The following ERBB4 variants were observed in gnomAD, a reference collection of about 807,000 sequenced individuals.
The protein encoded by ERBB4 is receptor tyrosine-protein kinase erbB-4.
In ERBB4, 42 loss-of-function variants were observed where a neutral mutation model predicts 158.0. That is an observed-to-expected ratio of 0.27 (90% CI 0.21 to 0.34). The LOEUF (loss-of-function observed/expected upper bound fraction) is 0.34, where lower values mean the gene tolerates loss of function less well. Ranked by LOEUF, ERBB4 falls within the 10% of genes least tolerant of loss-of-function variation. The pLI is 1.00. For synonymous variants in ERBB4, 583 were observed against 558.7 expected (o/e 1.04, Z -0.61); for missense variants, 1,333 against 1,624.1 (o/e 0.82, Z 3.08).
intron 20 of ERBB4, among the ~76,000 whole-genome samples, chr2:211,461,963 G>T (rs2064544657): frequency 6.6e-6 from 1 of 151,740 alleles, no homozygotes; most frequent in African/African-American, 2.4e-5. Flanking sequence ...AGCAACTCTG[G>T]TTTTGCCATT....
At chr2:211,497,755 C>T (rs2065507603) in intron 20 of ERBB4, among the ~76,000 whole-genome samples, 1 of 152,014 alleles carries the variant, frequency 6.6e-6, no homozygotes, top group Non-Finnish European at 1.5e-5. Flanking sequence ...TTATTTATTT[C>T]ATGGATGGTC....
At chr2:212,252,372 A>G (rs2084570791) in intron 1 of ERBB4, among the ~76,000 whole-genome samples, 1 of 152,118 alleles carries the variant, frequency 6.6e-6, no homozygotes, top group Admixed American at 6.6e-5. Context: ...AGCCATGTTA[A>G]GAAAGTGTTT....
At position 211,750,832 on chromosome 2, in the gene ERBB4, C is replaced by G. The variant is rs1448592467; in HGVS notation, c.557-128G>C. 4 of 827,474 alleles carry G rather than the reference C, an allele frequency of 4.8e-6. No individual in the cohort carries two copies. The African/African-American group carries it at 5.0e-5, about 10-fold the overall frequency. 51.3% of individuals were successfully genotyped at this position (827,474 alleles called of 1,614,324 possible). On this transcript the variant is annotated intron_variant, in intron 4 of 27. Coordinates refer to ENST00000342788, the MANE Select transcript of ERBB4 (RefSeq NM_005235.3). ...TTTTTATGTCATACTAGAGCTGAAA[C>G]ATAGCCCATAAAATGCCCACTTAAG...
chr2:212,168,360 A>G (rs145843112), intron 1 of ERBB4, among the ~76,000 whole-genome samples: 1 of 152,146 alleles, frequency 6.6e-6, no homozygotes, highest in Non-Finnish European at 1.5e-5. Flanking sequence ...ATTTGTTTTC[A>G]TTAGAATTAT....
At chr2:211,718,490 A>G (rs1016290072) in intron 7 of ERBB4, among the ~76,000 whole-genome samples, 4 of 152,160 alleles carry the variant, frequency 2.6e-5, no homozygotes, top group Non-Finnish European at 5.9e-5. Flanking sequence ...AGTTTTTATG[A>G]TTCCATATAT....
intron 20 of ERBB4, among the ~76,000 whole-genome samples, chr2:211,485,261 C>T (rs1396156434): frequency 1.3e-5 from 2 of 152,062 alleles, no homozygotes; most frequent in Non-Finnish European, 2.9e-5. Flanking sequence ...CTTCAGGATG[C>T]CAGATCAACA....
intron 3 of ERBB4, among the ~76,000 whole-genome samples, chr2:211,808,988 A>ACTTTG (rs1202587568): frequency 6.6e-6 from 1 of 152,178 alleles, no homozygotes; most frequent in African/African-American, 2.4e-5. Flanking sequence ...GTATCCTGAG[A>ACTTTG]CTTTGCTGAA....
chr2:212,330,919 G>T (rs552298013), intron 1 of ERBB4, among the ~76,000 whole-genome samples: 8 of 151,064 alleles, frequency 5.3e-5, no homozygotes, highest in Non-Finnish European at 1.2e-4. Context: ...GCTCAGTGAG[G>T]TTTATTAATT....
At chr2:211,469,964 A>G (rs1437712590) in intron 20 of ERBB4, among the ~76,000 whole-genome samples, 1 of 152,088 alleles carries the variant, frequency 6.6e-6, no homozygotes, top group Non-Finnish European at 1.5e-5. Flanking sequence ...GAGATACCTG[A>G]GGAATTGGGG....
chr2:211,735,983 T>C (rs942537407), intron 5 of ERBB4, among the ~76,000 whole-genome samples: 1 of 151,118 alleles, frequency 6.6e-6, no homozygotes, highest in Non-Finnish European at 1.5e-5. Flanking sequence ...TGAGACCTTG[T>C]CTCTACCAAA....
chr2:212,003,136 G>A (rs1227030200), intron 2 of ERBB4, among the ~76,000 whole-genome samples: 37 of 14,220 alleles, frequency 2.6e-3, no homozygotes, highest in Non-Finnish European at 3.7e-3. Flanking sequence ...AAGGAAGGAA[G>A]GAAGGAAGGA....
At chr2:212,222,259 G>A (rs1665927610) in intron 1 of ERBB4, among the ~76,000 whole-genome samples, 1 of 151,402 alleles carries the variant, frequency 6.6e-6, no homozygotes. Context: ...GAGGAGTACG[G>A]GTTAATGGTC....
At chr2:212,214,394 G>A (rs776460974) in intron 1 of ERBB4, among the ~76,000 whole-genome samples, 1 of 151,692 alleles carries the variant, frequency 6.6e-6, no homozygotes, top group South Asian at 2.1e-4. Flanking sequence ...GTATTGGATA[G>A]CACAGTTTTA....
chr2:211,752,750 C>T lies in ERBB4; in HGVS notation c.557-2046G>A, dbSNP rs576527715. Among the ~76,000 whole-genome samples, 15 of 152,168 alleles carry T rather than the reference C, an allele frequency of 9.9e-5. No individual in the cohort carries two copies. In the East Asian group the frequency reaches 1.2e-3, roughly 12 times the overall value. On this transcript the variant is annotated intron_variant, in intron 4 of 27. Coordinates refer to ENST00000342788, the MANE Select transcript of ERBB4 (RefSeq NM_005235.3). ...GGCATGTTGCTAGAAATACTGTTGACGGTTCTTGACAAGGTATCAGGGCAA... is the reference window on the plus strand; with the variant it reads ...GGCATGTTGCTAGAAATACTGTTGATGGTTCTTGACAAGGTATCAGGGCAA...
intron 1 of ERBB4, among the ~76,000 whole-genome samples, chr2:212,496,648 G>T (rs1391763718): frequency 6.6e-6 from 1 of 152,058 alleles, no homozygotes; most frequent in Admixed American, 6.6e-5. Context: ...TGAAGATACT[G>T]GTAAATAAGC....
chr2:212,289,087 G>T (rs2086110321), intron 1 of ERBB4, among the ~76,000 whole-genome samples: 1 of 151,970 alleles, frequency 6.6e-6, no homozygotes, highest in South Asian at 2.1e-4. Context: ...AACTACCTAC[G>T]CCCCAAGTTT....
At chr2:212,303,298 C>G (rs2086688133) in intron 1 of ERBB4, among the ~76,000 whole-genome samples, 1 of 151,348 alleles carries the variant, frequency 6.6e-6, no homozygotes. Flanking sequence ...CCCTATTTCA[C>G]TTTATTGACA....
At chr2:211,998,595 ATTT>A (rs1039418363) in intron 2 of ERBB4, among the ~76,000 whole-genome samples, 3 of 151,582 alleles carry the variant, frequency 2.0e-5, no homozygotes, top group Admixed American at 2.0e-4. Context: ...TTGTAAGTAA[ATTT>A]CCCTTTTTGT....
intron 12 of ERBB4, among the ~76,000 whole-genome samples, chr2:211,696,257 T>C (rs1016104398): frequency 4.6e-5 from 7 of 151,228 alleles, no homozygotes; most frequent in Non-Finnish European, 7.4e-5. Context: ...ACTACAGGCA[T>C]GCACCACCAC....
Sources: allele counts gnomAD v4.1 joint callset (sites outside exome capture counted in the v4.1 genomes callset), GRCh38; gene constraint gnomAD v4.1.1; transcripts MANE v1.5; gene names NCBI Gene and HGNC (gene_info 2026-07-23, HGNC 2026-07-21).